KBTBD12: variants seen among roughly 807,000 people sequenced by gnomAD.
KBTBD12 encodes the protein kelch repeat and BTB domain containing 12, also known as kelch repeat and BTB domain-containing protein 12.
A neutral mutation model predicts 58.7 loss-of-function variants in KBTBD12; 53 were observed. The ratio of observed to expected loss-of-function variants is 0.90; its 90% CI spans 0.72 to 1.14. The LOEUF (loss-of-function observed/expected upper bound fraction) is 1.14, where lower values mean the gene tolerates loss of function less well. Among genes scored for constraint, KBTBD12 ranks in the 50% most tolerant of loss-of-function variants. The pLI, the probability that KBTBD12 is intolerant of heterozygous loss-of-function variation, is 0.00. For missense variants in KBTBD12, 704 were observed against 751.3 expected, an observed-to-expected ratio of 0.94 and a Z score of 0.74; for synonymous variants, 236 against 259.8, an observed-to-expected ratio of 0.91 and a Z score of 0.88.
At chr3:127,915,976 G>T (rs746606637) in intron 1 of KBTBD12, among the ~76,000 whole-genome samples, 1 of 152,208 alleles carries the variant, frequency 6.6e-6, no homozygotes, top group Non-Finnish European at 1.5e-5. Flanking sequence ...CACTTAGAAG[G>T]GTTCGTTTAA....
Position 127,923,942 on chromosome 3 carries a change from A to G in KBTBD12, c.881A>G (p.Tyr294Cys), listed in dbSNP as rs756105028. 1.2e-6 allele frequency: 2 copies of G among 1,613,914 alleles called. No homozygotes were observed. The highest frequency in any genetic ancestry group is 3.3e-5 in the Admixed American group (2 of 60,010). Reference sequence around the variant, plus strand: ...GGAATCAGATCAAGACATAGGAGCTATGGGGATGCCAGTTTTTGTTATGAT... The same window carrying G: ...GGAATCAGATCAAGACATAGGAGCTGTGGGGATGCCAGTTTTTGTTATGAT... ...SSGIRSRHRS[Y>C]GDASFCYDPV... The change falls in exon 2 of 6, where the codon TAT becomes TGT. Residue 294 changes from tyrosine to cysteine, a missense_variant. Physicochemically the swap from Tyr to Cys is radical, Grantham distance 194. Transcript: ENST00000405109.
At chr3:127,966,869 A>G (rs1287211172) in intron 5 of KBTBD12, among the ~76,000 whole-genome samples, 2 of 152,234 alleles carry the variant, frequency 1.3e-5, no homozygotes, top group Non-Finnish European at 2.9e-5. Flanking sequence ...AAGAGAAAAA[A>G]CAATAGTTTT....
At chr3:127,919,418 C>T (rs192987747) in intron 1 of KBTBD12, among the ~76,000 whole-genome samples, 3 of 152,250 alleles carry the variant, frequency 2.0e-5, no homozygotes, top group Non-Finnish European at 1.5e-5. Flanking sequence ...TTAGTAGAGA[C>T]GGGGTTTCAC....
intron 4 of KBTBD12, among the ~76,000 whole-genome samples, chr3:127,952,252 G>A (rs1940222383): frequency 6.6e-6 from 1 of 152,082 alleles, no homozygotes; most frequent in South Asian, 2.1e-4. Flanking sequence ...TTCAAACACG[G>A]ATCTGTCCAA....
chr3:127,982,806 G>A lies in KBTBD12; in HGVS notation c.1691-1291G>A, dbSNP rs547565761. Among the ~76,000 whole-genome samples, 15 of 152,348 alleles carry A rather than the reference G, an allele frequency of 9.8e-5. No individual in the cohort carries two copies. In the South Asian group the frequency reaches 3.1e-3, roughly 32 times the overall value. ...CCCTCGCCTTCCAGGTCTAGGGACAGTGACAGCCCCTTGCTGTGATTAGTG... is the reference window on the plus strand; with the variant it reads ...CCCTCGCCTTCCAGGTCTAGGGACAATGACAGCCCCTTGCTGTGATTAGTG... On this transcript the variant is annotated intron_variant, in intron 5 of 5. Transcript: ENST00000405109.
intron 4 of KBTBD12, among the ~76,000 whole-genome samples, chr3:127,953,373 G>A (rs573894006): frequency 2.6e-5 from 4 of 152,216 alleles, no homozygotes; most frequent in Admixed American, 1.3e-4. Context: ...GTAAACATGC[G>A]CTAATGACAT....
rs114671965 is a variant in KBTBD12 at position 127,973,729 on chromosome 3, G to A, written c.1690+10343G>A. 5.6e-3 allele frequency among the ~76,000 whole-genome samples: 858 copies of A among 152,202 alleles called. 9 individuals carry two copies. Among genetic ancestry groups the A allele is most frequent in the African/African-American group, 0.02 (810 of 41,506 alleles). On this transcript the variant is annotated intron_variant, in intron 5 of 5. Transcript: ENST00000405109. ...ATTGACTCTAGATGCAGAATACACC[G>A]GTATTCAGTGTACTATTCTTTCACC...
At chr3:127,959,789 T>C (rs1940394266) in intron 4 of KBTBD12, among the ~76,000 whole-genome samples, 1 of 152,268 alleles carries the variant, frequency 6.6e-6, no homozygotes, top group Non-Finnish European at 1.5e-5. Flanking sequence ...GGTTATGGAA[T>C]TGCTGTCATT....
chr3:127,962,804 G>A (rs550791345), intron 4 of KBTBD12, among the ~76,000 whole-genome samples: 2 of 152,274 alleles, frequency 1.3e-5, no homozygotes, highest in Non-Finnish European at 2.9e-5. Context: ...AGCCACATCA[G>A]CAAAAGCATT....
At chr3:127,920,944 G>A (rs1394190087) in intron 1 of KBTBD12, among the ~76,000 whole-genome samples, 1 of 150,834 alleles carries the variant, frequency 6.6e-6, no homozygotes, top group Admixed American at 6.6e-5. Context: ...GTTTTGTTTT[G>A]CTGATGAAAG....
In KBTBD12 at chr3:127,923,347, A is replaced by G. The variant is rs1243023989; in HGVS notation, c.286A>G (p.Ile96Val). The change falls in exon 2 of 6, where the codon ATC (isoleucine) becomes GTC (valine). Residue 96 changes from isoleucine (I) to valine (V), a missense_variant. Ile to Val is a conservative substitution (Grantham distance 29, BLOSUM62 3). Transcript: ENST00000405109. ...TTACATGTACAATGCAGCTTTGGAG[A>G]TCAATAATGCCAATGTACAGACTGT... The part of the protein sequence containing the change: ...LNYMYNAALE[I>V]NNANVQTVAM... The G allele has an allele frequency of 6.2e-7, 1 of 1,613,846 alleles. No homozygotes were observed. The highest frequency in any genetic ancestry group is 1.3e-5 in the African/African-American group (1 of 75,030).
chr3:127,969,180 A>C (rs1031688877), intron 5 of KBTBD12, among the ~76,000 whole-genome samples: 1 of 152,212 alleles, frequency 6.6e-6, no homozygotes, highest in African/African-American at 2.4e-5. Context: ...CGAAAATCTT[A>C]AGGAATTATT....
At chr3:127,953,624 G>T (rs1198686168) in intron 4 of KBTBD12, among the ~76,000 whole-genome samples, 1 of 152,176 alleles carries the variant, frequency 6.6e-6, no homozygotes, top group African/African-American at 2.4e-5. Context: ...GTAAATGTTT[G>T]TCTTTAAAAA....
Position 127,923,689 on chromosome 3 carries a change from A to G in KBTBD12, c.628A>G (p.Thr210Ala). The G allele has an allele frequency of 6.2e-7, 1 of 1,613,900 alleles. No homozygotes were observed. The highest frequency in any genetic ancestry group is 8.5e-7 in the Non-Finnish European group (1 of 1,179,828). Residue 210 changes from threonine (T) to alanine (A), a missense_variant, in exon 2 of 6, where the codon ACA (threonine) becomes GCA (alanine). By Grantham distance (58) the Thr-to-Ala change is moderately conservative. Coordinates refer to ENST00000405109, the MANE Select transcript of KBTBD12 (RefSeq NM_207335.4). ...RWVNHNKELR[T>A]VHLVELLKQV... ...GGTAAATCATAACAAAGAATTGCGT[A>G]CAGTGCATCTTGTTGAGCTTTTGAA...
chr3:127,919,585 G>T (rs1939347174), intron 1 of KBTBD12, among the ~76,000 whole-genome samples: 2 of 152,324 alleles, frequency 1.3e-5, no homozygotes, highest in African/African-American at 4.8e-5. Context: ...AATTGTATTT[G>T]CTCTTCCCTC....
At chr3:127,981,386 A>G (rs983104721) in intron 5 of KBTBD12, among the ~76,000 whole-genome samples, 1 of 152,246 alleles carries the variant, frequency 6.6e-6, no homozygotes, top group African/African-American at 2.4e-5. Context: ...ATACATTTAA[A>G]TCACCTAATG....
At chr3:127,927,247 A>G (rs1939593867) in intron 2 of KBTBD12, among the ~76,000 whole-genome samples, 1 of 152,154 alleles carries the variant, frequency 6.6e-6, no homozygotes. Flanking sequence ...GCCAGTTGGA[A>G]CTACAACAGT....
Position 127,985,960 on chromosome 3 carries a change from A to C in KBTBD12, c.*1682A>C, listed in dbSNP as rs747315350. On this transcript the variant is annotated 3_prime_UTR_variant, in exon 6 of 6. Transcript: ENST00000405109. ...TCTGTGCATTCTTTTTCTTGCTACA[A>C]AGATGTTCCTCCTAGCTGCTGTGTT... The C allele has an allele frequency of 6.6e-6, 1 of 152,520 alleles. No individual in the cohort carries two copies. The highest frequency in any genetic ancestry group is 1.5e-5 in the Non-Finnish European group (1 of 68,138). 9.4% of individuals were successfully genotyped at this position (152,520 alleles called of 1,614,324 possible). A position where few individuals can be genotyped will look rare whatever the true frequency, so the allele number is the denominator to read the frequency against.
At chr3:127,919,455 C>A (rs1939344770) in intron 1 of KBTBD12, among the ~76,000 whole-genome samples, 1 of 152,206 alleles carries the variant, frequency 6.6e-6, no homozygotes, top group Non-Finnish European at 1.5e-5. Flanking sequence ...GTCTCGAACT[C>A]TTGACCTTGT....
Sources: gnomAD v4.1 joint callset for allele counts (sites outside exome capture counted in the v4.1 genomes callset) on GRCh38, gnomAD v4.1.1 for gene constraint, MANE v1.5 for transcripts, NCBI Gene and HGNC (gene_info 2026-07-23, HGNC 2026-07-21) for gene names.